The following CAMTA1 variants were observed in gnomAD, a reference collection of about 807,000 sequenced individuals.
The protein encoded by CAMTA1 is calmodulin binding transcription activator 1.
CAMTA1 carries 27 observed loss-of-function variants against 170.9 expected under a neutral mutation model. That is an observed-to-expected ratio of 0.16 (90% confidence interval 0.12 to 0.22). The LOEUF is 0.22. Among genes scored for constraint, CAMTA1 ranks in the 10% least tolerant of loss-of-function variants. The pLI is 1.00. For missense variants in CAMTA1, 1,619 were observed against 2,217.2 expected (o/e 0.73, Z 5.42); for synonymous variants, 833 against 891.5 (o/e 0.93, Z 1.17).
chr1:7,018,677 C>T (rs1700921609), intron 3 of CAMTA1, among the ~76,000 whole-genome samples: 1 of 152,200 alleles, frequency 6.6e-6, no homozygotes, highest in Admixed American at 6.5e-5. Context: ...CCGGAATCAG[C>T]ACCGCTCTCC....
chr1:7,095,644 G>A (rs1482477815), intron 4 of CAMTA1, among the ~76,000 whole-genome samples: 3 of 152,232 alleles, frequency 2.0e-5, no homozygotes, highest in Admixed American at 6.5e-5. Context: ...TCTCACTGCC[G>A]TGAATTCCAA....
intron 5 of CAMTA1, among the ~76,000 whole-genome samples, chr1:7,369,451 A>C (rs550714936): frequency 2.6e-5 from 4 of 152,296 alleles, no homozygotes; most frequent in African/African-American, 9.6e-5. Flanking sequence ...TGAAGGACTC[A>C]CAGAACTTGC....
intron 11 of CAMTA1, among the ~76,000 whole-genome samples, chr1:7,679,243 T>G (rs114481760): frequency 0.019 from 2,882 of 152,296 alleles, 98 homozygotes; most frequent in African/African-American, 0.065. Context: ...TCTCCAGAGC[T>G]CTGGCTCTCC....
intron 5 of CAMTA1, among the ~76,000 whole-genome samples, chr1:7,326,065 G>A (rs7511770): frequency 0.1 from 15,858 of 152,086 alleles, 913 homozygotes; most frequent in African/African-American, 0.14. Flanking sequence ...CATCACGTTG[G>A]CCAGACTGGT....
At chr1:7,695,746 G>A (rs3124803) in intron 11 of CAMTA1, among the ~76,000 whole-genome samples, 71,510 of 151,888 alleles carry the variant, frequency 0.47, 16,945 homozygotes, top group East Asian at 0.66. Context: ...GGGGGCATGC[G>A]AGTGTGTGTC....
At chr1:6,954,909 C>G (rs1412700140) in intron 3 of CAMTA1, among the ~76,000 whole-genome samples, 1 of 152,120 alleles carries the variant, frequency 6.6e-6, no homozygotes, top group African/African-American at 2.4e-5. Flanking sequence ...TTCTCAAGAC[C>G]ACCCTGACCT....
At chr1:7,624,125 C>A (rs559680576) in intron 6 of CAMTA1, among the ~76,000 whole-genome samples, 1 of 152,382 alleles carries the variant, frequency 6.6e-6, no homozygotes, top group African/African-American at 2.4e-5. Context: ...GTTTTCTCAG[C>A]TTCAAGGCAG....
At chr1:7,615,207 C>T (rs1576411835) in intron 6 of CAMTA1, among the ~76,000 whole-genome samples, 1 of 152,188 alleles carries the variant, frequency 6.6e-6, no homozygotes, top group Non-Finnish European at 1.5e-5. Context: ...TTAGGACCTG[C>T]GATGTCAGAA....
intron 4 of CAMTA1, among the ~76,000 whole-genome samples, chr1:7,159,888 C>T (rs573320837): frequency 3.7e-4 from 56 of 152,294 alleles, no homozygotes; most frequent in Non-Finnish European, 6.8e-4. Context: ...CCCTCCGTGC[C>T]TACTTCATAG....
In CAMTA1 at chr1:7,239,698, C is replaced by T. The variant is rs1664523072; in HGVS notation, c.303-9793C>T. Among the ~76,000 whole-genome samples the T allele has an allele frequency of 2.2e-5, 3 of 137,682 alleles. No homozygotes were observed. In the South Asian group the frequency reaches 6.8e-4, roughly 31 times the overall value. The allele number at this position is 137,682 out of a possible 152,430, so 90.3% of individuals were successfully genotyped here. On this transcript the variant is annotated intron_variant, in intron 4 of 22. Coordinates refer to ENST00000303635, the MANE Select transcript of CAMTA1 (RefSeq NM_015215.4). ...ACTTCCATCAGGGGATGTCTTAGTC[C>T]ATTTGTGTTGCTATAATGGAATACT...
At chr1:7,263,461 A>G (rs1668467821) in intron 5 of CAMTA1, among the ~76,000 whole-genome samples, 1 of 152,252 alleles carries the variant, frequency 6.6e-6, no homozygotes, top group Non-Finnish European at 1.5e-5. Flanking sequence ...TGTGTTGGAC[A>G]CAAACCAGAA....
intron 5 of CAMTA1, among the ~76,000 whole-genome samples, chr1:7,354,808 T>C (rs1233376499): frequency 2.0e-5 from 3 of 152,234 alleles, no homozygotes; most frequent in Non-Finnish European, 2.9e-5. Flanking sequence ...TGCGTTTTTC[T>C]GATGATGAGT....
chr1:7,601,767 C>T (rs1229292970), intron 6 of CAMTA1, among the ~76,000 whole-genome samples: 3 of 152,194 alleles, frequency 2.0e-5, no homozygotes, highest in African/African-American at 4.8e-5. Flanking sequence ...AGCGAAACCC[C>T]GTCTCCACCA....
chr1:6,968,877 A>C (rs540697972), intron 3 of CAMTA1, among the ~76,000 whole-genome samples: 8 of 152,124 alleles, frequency 5.3e-5, no homozygotes, highest in Non-Finnish European at 1.2e-4. Flanking sequence ...AGGGAGCTGC[A>C]AGTCGCCAGT....
chr1:6,920,715 G>C (rs1330484987), intron 3 of CAMTA1, among the ~76,000 whole-genome samples: 1 of 152,188 alleles, frequency 6.6e-6, no homozygotes, highest in Non-Finnish European at 1.5e-5. Context: ...TGACTTCTCT[G>C]CACCTGCAGG....
chr1:7,633,864 TG>T lies in CAMTA1; in HGVS notation c.511-6535del, dbSNP rs2095689552. ...GGCGGGAACCAGGCAAGGTGGGCAC[TG>T]TTGTCAACGGGGTTGCTGAATGAGG... On this transcript the variant is annotated intron_variant, in intron 6 of 22. Coordinates refer to ENST00000303635, the MANE Select transcript of CAMTA1 (RefSeq NM_015215.4). The surrounding 1 kb of genome is among the most constrained non-coding windows in gnomAD (Gnocchi z 4.1). 6.6e-6 allele frequency among the ~76,000 whole-genome samples: 1 copy of T among 152,210 alleles called. No individual in the cohort carries two copies. Among genetic ancestry groups the T allele is most frequent in the African/African-American group, 2.4e-5 (1 of 41,450 alleles).
intron 5 of CAMTA1, among the ~76,000 whole-genome samples, chr1:7,367,210 A>G (rs1036471522): frequency 1.3e-5 from 2 of 152,164 alleles, no homozygotes; most frequent in African/African-American, 2.4e-5. Flanking sequence ...ATCAGCATTC[A>G]TGGCCAGCTC....
chr1:6,925,954 T>C (rs553789299), intron 3 of CAMTA1, among the ~76,000 whole-genome samples: 1 of 152,192 alleles, frequency 6.6e-6, no homozygotes, highest in African/African-American at 2.4e-5. Context: ...TGACTTCCTC[T>C]CCTTATGCCT....
chr1:6,791,470 T>C (rs1206861409), intron 1 of CAMTA1, among the ~76,000 whole-genome samples: 1 of 152,250 alleles, frequency 6.6e-6, no homozygotes, highest in African/African-American at 2.4e-5. Flanking sequence ...TGTAGGATTT[T>C]GGAAATTTTT....
Sources: allele counts gnomAD v4.1 joint callset (sites outside exome capture counted in the v4.1 genomes callset), GRCh38; gene constraint gnomAD v4.1.1; non-coding constraint Gnocchi (gnomAD v3.1); transcripts MANE v1.5; gene names NCBI Gene and HGNC (gene_info 2026-07-23, HGNC 2026-07-21).